The following PRR16 variants were observed in gnomAD, a reference collection of about 807,000 sequenced individuals.
The protein encoded by PRR16 is protein Largen.
A neutral mutation model predicts 18.2 loss-of-function variants in PRR16; 6 were observed. The observed-to-expected ratio is 0.33, with a 90% CI of 0.18 to 0.65. The LOEUF (loss-of-function observed/expected upper bound fraction) is 0.65. PRR16 is among the 30% of genes least tolerant of loss of function. The pLI is 0.74. For missense variants in PRR16, 412 were observed against 376.6 expected, an observed-to-expected ratio of 1.09 and a Z score of -0.78; for synonymous variants, 151 against 147.8, an observed-to-expected ratio of 1.02 and a Z score of -0.16.
rs73256063 is a variant in PRR16, at chr5:120,626,496, G to A, written c.160-59458G>A. ...AATGAGCATGAGGGATCTTTTGCAG[G>A]CTATGAAAATGTCCTAAAGCTGGAT... is the stretch of plus-strand genomic sequence containing the variant. On this transcript the variant is annotated intron_variant, in intron 1 of 1. Coordinates refer to ENST00000407149, the MANE Select transcript of PRR16 (RefSeq NM_001300783.2). Among the ~76,000 whole-genome samples the A allele has an allele frequency of 8.1e-3, 1,228 of 152,204 alleles. 18 individuals are homozygous for A. Among genetic ancestry groups the A allele is most frequent in the African/African-American group, 0.028 (1,176 of 41,552 alleles).
the PRR16 span, among the ~76,000 whole-genome samples, chr5:120,736,779 A>G: frequency 6.6e-6 from 1 of 151,872 alleles, no homozygotes; most frequent in African/African-American, 2.4e-5. Flanking sequence ...GCAATGTTTT[A>G]TAGTTTTTAG....
At chr5:120,723,856 GA>G in the PRR16 span, among the ~76,000 whole-genome samples, 1 of 151,368 alleles carries the variant, frequency 6.6e-6, no homozygotes, top group Admixed American at 6.6e-5. Flanking sequence ...TTCCAAAGTG[GA>G]ATTATTTGAG....
At chr5:120,650,780 A>G (rs1479688458) in intron 1 of PRR16, among the ~76,000 whole-genome samples, 4 of 152,032 alleles carry the variant, frequency 2.6e-5, no homozygotes, top group African/African-American at 9.7e-5. Context: ...TAGTGCCACA[A>G]TAAACATACG....
the PRR16 span, among the ~76,000 whole-genome samples, chr5:120,753,449 T>C: frequency 6.6e-6 from 1 of 151,894 alleles, no homozygotes; most frequent in African/African-American, 2.4e-5. Context: ...TCAGAAGCCA[T>C]GAGTTTTGCT....
At chr5:120,522,996 G>T (rs1751236012) in intron 1 of PRR16, among the ~76,000 whole-genome samples, 1 of 152,060 alleles carries the variant, frequency 6.6e-6, no homozygotes, top group African/African-American at 2.4e-5. Flanking sequence ...TTATTCATAG[G>T]AGTCATTTTT....
the PRR16 span, among the ~76,000 whole-genome samples, chr5:120,756,320 G>T: frequency 6.6e-6 from 1 of 152,084 alleles, no homozygotes; most frequent in African/African-American, 2.4e-5. Context: ...TTTTGATTTA[G>T]TTGTAGGAAG....
At chr5:120,729,494 C>A in the PRR16 span, among the ~76,000 whole-genome samples, 1 of 152,062 alleles carries the variant, frequency 6.6e-6, no homozygotes, top group Non-Finnish European at 1.5e-5. Context: ...ATTATGCGGC[C>A]AACATGGCGC....
intron 1 of PRR16, among the ~76,000 whole-genome samples, chr5:120,547,818 C>A (rs2112693917): frequency 6.6e-6 from 1 of 151,930 alleles, no homozygotes; most frequent in Non-Finnish European, 1.5e-5. Context: ...ATACTTATTT[C>A]TTCAGAAATT....
At chr5:120,779,722 T>A in the PRR16 span, among the ~76,000 whole-genome samples, 1 of 152,192 alleles carries the variant, frequency 6.6e-6, no homozygotes, top group Admixed American at 6.5e-5. Context: ...AAATGGCACA[T>A]GCTGATATTC....
the PRR16 span, among the ~76,000 whole-genome samples, chr5:120,744,272 C>T: frequency 2.0e-5 from 3 of 152,254 alleles, no homozygotes; most frequent in Admixed American, 6.5e-5. Context: ...TCAAACAAGA[C>T]TGTAGTAAGG....
the PRR16 span, among the ~76,000 whole-genome samples, chr5:120,697,601 TG>T: frequency 2.6e-5 from 4 of 152,118 alleles, no homozygotes; most frequent in African/African-American, 9.7e-5. Context: ...GCAACATGGC[TG>T]TTTATTTCAC....
rs1397498719 is a variant in PRR16 at position 120,650,663 on chromosome 5, A to G, written c.160-35291A>G. Among the ~76,000 whole-genome samples the G allele has an allele frequency of 5.3e-5, 8 of 151,996 alleles. No homozygotes were observed. The South Asian group carries it at 1.5e-3, about 28-fold the overall frequency. ...TCCCTACAAAGGACATGAACTCATC[A>G]TTTTTATGGCTGCATAGTATTCCAT... On this transcript the variant is annotated intron_variant, in intron 1 of 1. Coordinates refer to ENST00000407149, the MANE Select transcript of PRR16 (RefSeq NM_001300783.2).
chr5:120,678,784 C>G (rs944244281), intron 1 of PRR16, among the ~76,000 whole-genome samples: 2 of 152,014 alleles, frequency 1.3e-5, no homozygotes, highest in African/African-American at 4.8e-5. Context: ...TTATTTCTTT[C>G]TCTTATCTAA....
the PRR16 span, among the ~76,000 whole-genome samples, chr5:120,781,959 CTT>C: frequency 6.6e-6 from 1 of 151,506 alleles, no homozygotes; most frequent in Non-Finnish European, 1.5e-5. Context: ...ATTGTAAAAA[CTT>C]TAACAAGTGG....
rs6892326 is a variant in PRR16 at position 120,656,816 on chromosome 5, C to T, written c.160-29138C>T. ...TTGGGAATTTATTTCATTCAACCTA[C>T]GTTTATTATGAGATTACCAACTGTC... On this transcript the variant is annotated intron_variant, in intron 1 of 1. Transcript: ENST00000407149. Among the ~76,000 whole-genome samples, 557 of 152,004 alleles carry T rather than the reference C, an allele frequency of 3.7e-3. 3 individuals carry two copies. Among genetic ancestry groups the T allele is most frequent in the African/African-American group, 0.013 (531 of 41,500 alleles).
chr5:120,693,596 C>T, the PRR16 span, among the ~76,000 whole-genome samples: 2 of 152,190 alleles, frequency 1.3e-5, no homozygotes, highest in Admixed American at 1.3e-4. Context: ...TCAGAAACGT[C>T]TCCCAAACTT....
At chr5:120,541,421 C>T (rs993469093) in intron 1 of PRR16, among the ~76,000 whole-genome samples, 1 of 152,222 alleles carries the variant, frequency 6.6e-6, no homozygotes, top group Middle Eastern at 3.2e-3. Context: ...GCTAGGATTA[C>T]AGGCGTGAGC....
At chr5:120,627,694 G>A (rs1754912258) in intron 1 of PRR16, among the ~76,000 whole-genome samples, 1 of 152,058 alleles carries the variant, frequency 6.6e-6, no homozygotes, top group Non-Finnish European at 1.5e-5. Context: ...AGCAAAAGAA[G>A]AGAGCCACCC....
chr5:120,588,005 C>T (rs1248011122), intron 1 of PRR16, among the ~76,000 whole-genome samples: 1 of 152,132 alleles, frequency 6.6e-6, no homozygotes, highest in Non-Finnish European at 1.5e-5. Flanking sequence ...TTGATTCCAA[C>T]CCTCATGGAT....
Sources: gnomAD v4.1 joint callset for allele counts (sites outside exome capture counted in the v4.1 genomes callset) on GRCh38, gnomAD v4.1.1 for gene constraint, MANE v1.5 for transcripts, NCBI Gene and HGNC (gene_info 2026-07-23, HGNC 2026-07-21) for gene names.